IL1RL1: variants seen among roughly 807,000 people sequenced by gnomAD.
The protein encoded by IL1RL1 is interleukin-1 receptor-like 1.
A neutral mutation model predicts 50.9 loss-of-function variants in IL1RL1; 32 were observed. That is an observed-to-expected ratio of 0.63 (90% confidence interval 0.47 to 0.84). The LOEUF is 0.84. Among genes scored for constraint, IL1RL1 ranks in the 40% least tolerant of loss-of-function variants. IL1RL1 has a pLI of 0.00. For synonymous variants in IL1RL1, 275 were observed against 236.0 expected (o/e 1.17, Z -1.51); for missense variants, 773 against 662.9 (o/e 1.17, Z -1.82).
intron 1 of IL1RL1, among the ~76,000 whole-genome samples, chr2:102,335,504 A>C (rs2104979496): frequency 6.6e-6 from 1 of 152,286 alleles, no homozygotes; most frequent in African/African-American, 2.4e-5. Flanking sequence ...TGTAACTATA[A>C]AATTTGAGTG....
chr2:102,351,975 T>G lies in IL1RL1; in HGVS notation c.*54T>G. Reference sequence around the variant, plus strand: ...AGTTTGAAGCTTTCCTGACTTCTCCTAGCTGGCTTATGCCCCTGCACTGAA... The same window carrying G: ...AGTTTGAAGCTTTCCTGACTTCTCCGAGCTGGCTTATGCCCCTGCACTGAA... On this transcript the variant is annotated 3_prime_UTR_variant, in exon 11 of 11. Transcript: ENST00000233954. The G allele has an allele frequency of 6.5e-7, 1 of 1,526,804 alleles. No individual in the cohort carries two copies. The highest frequency in any genetic ancestry group is 1.4e-5 in the African/African-American group (1 of 72,254). The allele number at this position is 1,526,804 out of a possible 1,614,324, so 94.6% of individuals were successfully genotyped here. A position where few individuals can be genotyped will look rare whatever the true frequency, so the allele number is the denominator to read the frequency against.
chr2:102,347,987 T>C lies in IL1RL1; in HGVS notation c.1013T>C (p.Val338Ala). Reference sequence around the variant, plus strand: ...TACTGCATAATTGCAGTATGTAGTGTATTTTTAATGCTAATCAATGTCCTG... The same window carrying C: ...TACTGCATAATTGCAGTATGTAGTGCATTTTTAATGCTAATCAATGTCCTG... ...SIYCIIAVCS[V>A]FLMLINVLVI... The change falls in exon 9 of 11, where the codon GTA becomes GCA. Residue 338 changes from valine (V) to alanine (A), a missense_variant. By Grantham distance (64) the Val-to-Ala change is moderately conservative (BLOSUM62 0). Coordinates refer to ENST00000233954, the MANE Select transcript of IL1RL1 (RefSeq NM_016232.5). 6.4e-7 allele frequency: 1 copy of C among 1,572,200 alleles called. No individual in the cohort carries two copies. Among genetic ancestry groups the C allele is most frequent in the Non-Finnish European group, 8.8e-7 (1 of 1,141,744 alleles).
intron 1 of IL1RL1, among the ~76,000 whole-genome samples, chr2:102,320,774 C>T (rs1676813777): frequency 6.6e-6 from 1 of 152,182 alleles, no homozygotes; most frequent in African/African-American, 2.4e-5. Flanking sequence ...TCATGTCTCA[C>T]CACCTGCACT....
intron 1 of IL1RL1, among the ~76,000 whole-genome samples, chr2:102,330,940 A>G (rs748002691): frequency 3.3e-5 from 5 of 152,178 alleles, no homozygotes; most frequent in Non-Finnish European, 5.9e-5. Flanking sequence ...TCTGTATAAT[A>G]TGAGGTAGAG....
At chr2:102,316,011 C>T (rs916015066) in intron 1 of IL1RL1, among the ~76,000 whole-genome samples, 1 of 152,162 alleles carries the variant, frequency 6.6e-6, no homozygotes, top group Non-Finnish European at 1.5e-5. Context: ...TTTCATCCTC[C>T]CCTTATCTCA....
Position 102,348,028 on chromosome 2 carries a change from A to G in IL1RL1, c.1054A>G (p.Met352Val), listed in dbSNP as rs754854507. Reference protein sequence around the residue: ...LINVLVIILKMFWIEATLLWR... With the variant: ...LINVLVIILKVFWIEATLLWR... ...CAATGTCCTGGTTATCATCCTAAAA[A>G]TGTTCTGGATTGAGGCCACTCTGCT... Residue 352 changes from methionine to valine, a missense_variant, in exon 9 of 11, where the codon ATG becomes GTG. Transcript: ENST00000233954. 3.1e-6 allele frequency: 5 copies of G among 1,608,392 alleles called. No homozygotes were observed. The South Asian group carries it at 3.3e-5, about 11-fold the overall frequency.
At chr2:102,343,535 C>T (rs1485906054) in intron 8 of IL1RL1, 120 bp downstream of exon 8, 6 of 1,581,000 alleles carry the variant, frequency 3.8e-6, no homozygotes, top group Non-Finnish European at 5.2e-6. Context: ...ATAAAATGTG[C>T]TTCTCTTCTT....
chr2:102,334,304 A>G (rs1040301423), intron 1 of IL1RL1, among the ~76,000 whole-genome samples: 1 of 151,538 alleles, frequency 6.6e-6, no homozygotes, highest in Non-Finnish European at 1.5e-5. Context: ...TTTGGAGGGG[A>G]GGATTGGGTG....
chr2:102,330,900 A>G (rs1677160273), intron 1 of IL1RL1, among the ~76,000 whole-genome samples: 1 of 152,194 alleles, frequency 6.6e-6, no homozygotes, highest in South Asian at 2.1e-4. Flanking sequence ...ATGTTCTGTT[A>G]TGTAATACAA....
intron 8 of IL1RL1, among the ~76,000 whole-genome samples, chr2:102,346,783 G>A (rs1677797579): frequency 6.6e-6 from 1 of 152,180 alleles, no homozygotes; most frequent in South Asian, 2.1e-4. Flanking sequence ...GTCATTGAGA[G>A]AACTGATAAA....
intron 1 of IL1RL1, among the ~76,000 whole-genome samples, chr2:102,324,532 G>A (rs555896201): frequency 2.7e-4 from 41 of 152,310 alleles, no homozygotes; most frequent in South Asian, 6.2e-4. Context: ...AGCACTGAGC[G>A]TGAGCCAAAG....
intron 1 of IL1RL1, among the ~76,000 whole-genome samples, chr2:102,329,720 CAA>C (rs1477220273): frequency 6.6e-6 from 1 of 152,116 alleles, no homozygotes; most frequent in East Asian, 1.9e-4. Context: ...TTTATGCAGC[CAA>C]AAGACACGTG....
chr2:102,323,273 A>ATATATATATATATATAGT (rs1303334375), intron 1 of IL1RL1, among the ~76,000 whole-genome samples: 6 of 48,498 alleles, frequency 1.2e-4, no homozygotes, highest in Non-Finnish European at 2.8e-4. Context: ...ATATATATAT[A>ATATATATATATATATAGT]GTGTGTGTGT....
intron 1 of IL1RL1, among the ~76,000 whole-genome samples, chr2:102,326,766 A>C (rs1301524755): frequency 9.9e-5 from 15 of 152,252 alleles, no homozygotes; most frequent in Admixed American, 3.3e-4. Flanking sequence ...AAGGCCATTA[A>C]ATAATGGTAA....
intron 1 of IL1RL1, among the ~76,000 whole-genome samples, chr2:102,328,840 G>A (rs964911499): frequency 1.3e-5 from 2 of 152,120 alleles, no homozygotes; most frequent in Non-Finnish European, 2.9e-5. Flanking sequence ...AATAAAGGAG[G>A]ATACAAACAA....
Position 102,340,897 on chromosome 2 carries a change from T to C in IL1RL1, c.610+69T>C, listed in dbSNP as rs973497613. On this transcript the variant is annotated intron_variant, in intron 5 of 10. Coordinates refer to ENST00000233954, the MANE Select transcript of IL1RL1 (RefSeq NM_016232.5). ...GTCGAAGTGGGAACAGCGGTGCCCT[T>C]CTGGTTGGGTTTCTTGCACTTCTCC... 3 of 1,278,842 alleles carry C rather than the reference T, an allele frequency of 2.3e-6. No individual in the cohort carries two copies. The Admixed American group carries it at 8.4e-5, about 36-fold the overall frequency. The allele number at this position is 1,278,842 out of a possible 1,614,324, so 79.2% of individuals were successfully genotyped here.
At chr2:102,317,792 A>G (rs934775970) in intron 1 of IL1RL1, among the ~76,000 whole-genome samples, 18 of 152,238 alleles carry the variant, frequency 1.2e-4, no homozygotes, top group African/African-American at 3.4e-4. Context: ...AGTTAGGAAG[A>G]TTGGGAGCAC....
rs111382791 is a variant in IL1RL1, at chr2:102,340,140, T to C, written c.315T>C (p.Tyr105=). Residue 105 remains tyrosine, a synonymous_variant, in exon 4 of 11, where the codon TAT becomes TAC. Coordinates refer to ENST00000233954, the MANE Select transcript of IL1RL1 (RefSeq NM_016232.5). The part of the protein sequence containing the change: ...NRTGYANVTI[Y]KKQSDCNVPD... ...CTGGATATGCGAATGTCACCATATA[T>C]AAAAAACAATCAGATTGCAATGTTC... 1.3e-5 allele frequency: 21 copies of C among 1,585,402 alleles called. No individual in the cohort carries two copies. In the African/African-American group the frequency reaches 1.5e-4, roughly 11 times the overall value.
At chr2:102,317,806 G>A (rs1168685159) in intron 1 of IL1RL1, among the ~76,000 whole-genome samples, 1 of 152,096 alleles carries the variant, frequency 6.6e-6, no homozygotes, top group Non-Finnish European at 1.5e-5. Context: ...GGAGCACAGG[G>A]TTAGTTGGTC....
Sources: gnomAD v4.1 joint callset for allele counts (sites outside exome capture counted in the v4.1 genomes callset) on GRCh38, gnomAD v4.1.1 for gene constraint, MANE v1.5 for transcripts, NCBI Gene and HGNC (gene_info 2026-07-23, HGNC 2026-07-21) for gene names.